CSMD3: variants seen among roughly 807,000 people sequenced by gnomAD.
CSMD3 encodes the protein CUB and Sushi multiple domains 3, also known as CUB and sushi domain-containing protein 3.
A neutral mutation model predicts 435.2 loss-of-function variants in CSMD3; 177 were observed. The ratio of observed to expected loss-of-function variants is 0.41; its 90% CI spans 0.36 to 0.46. The LOEUF is 0.46. Among genes scored for constraint, CSMD3 ranks in the 20% least tolerant of loss-of-function variants. The pLI is 0.34. For synonymous variants in CSMD3, 1,656 were observed against 1,520.5 expected (o/e 1.09, Z -2.07); for missense variants, 4,265 against 4,504.6 (o/e 0.95, Z 1.52).
Position 113,136,812 on chromosome 8 carries a change from G to A in CSMD3, c.709+36910C>T, listed in dbSNP as rs570494912. ...GGATACTGGAGAATGTTCATAGATA[G>A]TGGGGGAAGTCAGAAAAATAGGTAA... On this transcript the variant is annotated intron_variant, in intron 4 of 70. Transcript: ENST00000297405. 6.6e-5 allele frequency among the ~76,000 whole-genome samples: 10 copies of A among 151,704 alleles called. No homozygotes were observed. The East Asian group carries it at 1.9e-3, about 29-fold the overall frequency.
At chr8:112,712,829 A>G (rs2076639336) in intron 13 of CSMD3, among the ~76,000 whole-genome samples, 1 of 151,544 alleles carries the variant, frequency 6.6e-6, no homozygotes, top group African/African-American at 2.4e-5. Flanking sequence ...AGTTTCTCTC[A>G]TGACATATTG....
chr8:112,410,653 T>C (rs1236557497), intron 32 of CSMD3, among the ~76,000 whole-genome samples: 1 of 48,358 alleles, frequency 2.1e-5, no homozygotes, highest in African/African-American at 5.8e-5. Flanking sequence ...TATATATGTG[T>C]ATATATATGT....
chr8:112,602,326 C>T (rs1372017422), intron 22 of CSMD3, among the ~76,000 whole-genome samples: 1 of 152,068 alleles, frequency 6.6e-6, no homozygotes, highest in African/African-American at 2.4e-5. Context: ...AGCACTTTGG[C>T]AGGGCAAGGA....
At chr8:112,994,433 A>C (rs558261910) in intron 6 of CSMD3, among the ~76,000 whole-genome samples, 11 of 151,690 alleles carry the variant, frequency 7.3e-5, no homozygotes, top group Non-Finnish European at 1.3e-4. Context: ...AAACACAATA[A>C]GAAAGAAGAT....
chr8:113,060,560 C>G (rs947854007), intron 5 of CSMD3, among the ~76,000 whole-genome samples: 10 of 152,080 alleles, frequency 6.6e-5, no homozygotes, highest in Non-Finnish European at 1.2e-4. Flanking sequence ...ACTATAGACA[C>G]AAATATAGTA....
rs73338244 is a variant in CSMD3, at chr8:113,091,599, C to A, written c.917+7157G>T. 8.3e-3 allele frequency among the ~76,000 whole-genome samples: 1,253 copies of A among 151,764 alleles called. 29 individuals carry two copies. The highest frequency in any genetic ancestry group is 0.029 in the African/African-American group (1,185 of 41,450). ...CCACTGATGATTTTTTGAGTTTCTG[C>A]CGTATCAATTATAATGTTTTCTTTT... On this transcript the variant is annotated intron_variant, in intron 5 of 70. Coordinates refer to ENST00000297405, the MANE Select transcript of CSMD3 (RefSeq NM_198123.2).
At chr8:112,563,437 C>T (rs1467508751) in intron 24 of CSMD3, among the ~76,000 whole-genome samples, 1 of 150,736 alleles carries the variant, frequency 6.6e-6, no homozygotes, top group East Asian at 2.0e-4. Flanking sequence ...TGCTTTCATT[C>T]CTACATATAA....
chr8:113,301,119 A>C lies in CSMD3; in HGVS notation c.401+13452T>G, dbSNP rs1014344401. On this transcript the variant is annotated intron_variant, in intron 2 of 70. Coordinates refer to ENST00000297405, the MANE Select transcript of CSMD3 (RefSeq NM_198123.2). ...AAGTATAATTTCGAAAAAAGTTAAA[A>C]ATGACCACAACATGGAGGTGCTTGT... Among the ~76,000 whole-genome samples, 4 of 152,142 alleles carry C rather than the reference A, an allele frequency of 2.6e-5. No individual in the cohort carries two copies. The South Asian group carries it at 6.2e-4, about 24-fold the overall frequency.
intron 1 of CSMD3, among the ~76,000 whole-genome samples, chr8:113,409,445 T>C (rs1266426212): frequency 1.3e-5 from 2 of 152,126 alleles, no homozygotes; most frequent in Non-Finnish European, 2.9e-5. Context: ...ACTTTAGGCA[T>C]GCCTTTATTC....
At chr8:113,356,246 C>A (rs930392906) in intron 1 of CSMD3, among the ~76,000 whole-genome samples, 2 of 152,074 alleles carry the variant, frequency 1.3e-5, no homozygotes, top group Admixed American at 1.3e-4. Flanking sequence ...AGTTTACCCC[C>A]AGTTTTAGTG....
chr8:113,114,446 G>A (rs1426722280), intron 4 of CSMD3, among the ~76,000 whole-genome samples: 2 of 152,172 alleles, frequency 1.3e-5, no homozygotes, highest in African/African-American at 2.4e-5. Context: ...TCTTGCTATT[G>A]AGAATAGTAT....
intron 16 of CSMD3, among the ~76,000 whole-genome samples, chr8:112,680,614 A>G (rs1424274404): frequency 6.6e-6 from 1 of 152,136 alleles, no homozygotes; most frequent in Non-Finnish European, 1.5e-5. Context: ...AACCCATACT[A>G]TTTGAAGTTT....
At chr8:113,427,316 C>A (rs890890367) in intron 1 of CSMD3, among the ~76,000 whole-genome samples, 1 of 151,202 alleles carries the variant, frequency 6.6e-6, no homozygotes, top group Non-Finnish European at 1.5e-5. Context: ...TTAAGTTAAT[C>A]TTTAGATTGC....
chr8:112,449,509 G>A lies in CSMD3; in HGVS notation c.5395+23082C>T, dbSNP rs373071833. Among the ~76,000 whole-genome samples, 40 of 152,200 alleles carry A rather than the reference G, an allele frequency of 2.6e-4. No homozygotes were observed. In the East Asian group the frequency reaches 3.3e-3, roughly 13 times the overall value. Reference sequence around the variant, plus strand: ...CTGAGTGCAGAGACAGAGAATATGCGCCGAGTGCTATGGTTTTATCTGTGG... The same window carrying A: ...CTGAGTGCAGAGACAGAGAATATGCACCGAGTGCTATGGTTTTATCTGTGG... On this transcript the variant is annotated intron_variant, in intron 32 of 70. Transcript: ENST00000297405.
intron 23 of CSMD3, among the ~76,000 whole-genome samples, chr8:112,575,425 T>C (rs1390626046): frequency 6.6e-6 from 1 of 152,094 alleles, no homozygotes; most frequent in African/African-American, 2.4e-5. Flanking sequence ...GACATGGTCA[T>C]TGAATTCCTA....
chr8:113,004,603 A>C (rs1210310135), intron 6 of CSMD3, among the ~76,000 whole-genome samples: 1 of 151,958 alleles, frequency 6.6e-6, no homozygotes, highest in Non-Finnish European at 1.5e-5. Context: ...CAGAGCATTG[A>C]GCGCAAGATT....
rs543437553 is a variant in CSMD3, at chr8:113,260,182, A to G, written c.514+18410T>C. Among the ~76,000 whole-genome samples the G allele has an allele frequency of 2.0e-5, 3 of 152,262 alleles. No homozygotes were observed. The East Asian group carries it at 5.8e-4, about 29-fold the overall frequency. Reference sequence around the variant, plus strand: ...CCAGTCTCAGGTATGTCCTTGTAACAGTATGAGAATGGACCAATACAGGCA... The same window carrying G: ...CCAGTCTCAGGTATGTCCTTGTAACGGTATGAGAATGGACCAATACAGGCA... On this transcript the variant is annotated intron_variant, in intron 3 of 70. Coordinates refer to ENST00000297405, the MANE Select transcript of CSMD3 (RefSeq NM_198123.2).
At chr8:112,614,923 T>C (rs935656622) in intron 22 of CSMD3, among the ~76,000 whole-genome samples, 2 of 152,080 alleles carry the variant, frequency 1.3e-5, no homozygotes, top group East Asian at 1.9e-4. Context: ...GTTGTTTTTA[T>C]GGTCTAGCAT....
At chr8:112,991,621 G>A (rs995293620) in intron 6 of CSMD3, among the ~76,000 whole-genome samples, 8 of 151,416 alleles carry the variant, frequency 5.3e-5, no homozygotes, top group African/African-American at 1.9e-4. Context: ...GGTGTGCCTT[G>A]GAATCAAAAT....
Sources: allele counts gnomAD v4.1 joint callset (sites outside exome capture counted in the v4.1 genomes callset), GRCh38; gene constraint gnomAD v4.1.1; transcripts MANE v1.5; gene names NCBI Gene and HGNC (gene_info 2026-07-23, HGNC 2026-07-21).